Variants in DSG4 observed in about 807,000 individuals in gnomAD.
The protein encoded by DSG4 is desmoglein 4, also known as desmoglein-4.
Under a neutral mutation model 93.1 loss-of-function variants are expected in DSG4, and 87 were observed. The ratio of observed to expected loss-of-function variants is 0.93; its 90% CI spans 0.79 to 1.12. The LOEUF (loss-of-function observed/expected upper bound fraction) is 1.12. Ranked by LOEUF, DSG4 falls within the 50% of genes most tolerant of loss-of-function variation. The pLI, the probability that DSG4 is intolerant of heterozygous loss-of-function variation, is 0.00. For synonymous variants in DSG4, 432 were observed against 452.9 expected (o/e 0.95, Z 0.59); for missense variants, 1,373 against 1,285.7 (o/e 1.07, Z -1.04).
At position 31,400,974 on chromosome 18, in the gene DSG4, A is replaced by C. The variant is rs772144278; in HGVS notation, c.1371A>C (p.Lys457Asn). 6.2e-6 allele frequency: 10 copies of C among 1,611,686 alleles called. No homozygotes were observed. In the South Asian group the frequency reaches 9.9e-5, roughly 16 times the overall value. The change falls in exon 10 of 16, where the codon AAA (lysine) becomes AAC (asparagine). Residue 457 changes from lysine to asparagine, a missense_variant. By Grantham distance (94) the Lys-to-Asn change is moderately conservative. Coordinates refer to ENST00000308128, the MANE Select transcript of DSG4 (RefSeq NM_177986.5). ...CTAGAGAATTTGATAAGAAGTCAAA[A>C]TATATTATCAATGGGATATACACAG... ...QFSREFDKKS[K>N]YIINGIYTAE... is the part of the protein sequence containing the mutation.
intron 8 of DSG4, among the ~76,000 whole-genome samples, chr18:31,392,847 G>A (rs1033650052): frequency 4.6e-5 from 7 of 152,180 alleles, no homozygotes; most frequent in African/African-American, 1.2e-4. Flanking sequence ...AAAACATGAA[G>A]CAAGTTCAGG....
At chr18:31,405,981 G>A in intron 11 of DSG4, 96 bp from the exon 12 acceptor site, 2 of 1,414,636 alleles carry the variant, frequency 1.4e-6, no homozygotes, top group Admixed American at 1.8e-5. Context: ...AAAATCTAGT[G>A]TTTTAAGTCA....
Position 31,403,664 on chromosome 18 carries a change from CT to C in DSG4, c.1636+33del, listed in dbSNP as rs763011734. ...GTGAAACGTAAGCTTGTTTTTTGGA[CT>C]TTAAGTCCAAAAGCAAAACAATTAC... On this transcript the variant is annotated intron_variant, in intron 11 of 15. Transcript: ENST00000308128. 38 of 1,607,852 alleles carry C rather than the reference CT, an allele frequency of 2.4e-5. No individual in the cohort carries two copies. In the South Asian group the frequency reaches 3.9e-4, roughly 16 times the overall value.
chr18:31,401,859 A>T (rs2072371760), intron 10 of DSG4, among the ~76,000 whole-genome samples: 1 of 152,214 alleles, frequency 6.6e-6, no homozygotes, highest in Non-Finnish European at 1.5e-5. Context: ...ATAAAGATAA[A>T]GAAGCAGCAT....
intron 10 of DSG4, among the ~76,000 whole-genome samples, chr18:31,402,231 GTTGGAATAAGTTTGC>G (rs2072375910): frequency 6.6e-6 from 1 of 152,216 alleles, no homozygotes; most frequent in Non-Finnish European, 1.5e-5. Flanking sequence ...TATCTGAATG[GTTGGAATAAGTTTGC>G]TTCAGCACAC....
At chr18:31,405,987 A>C (rs901294572) in intron 11 of DSG4, 90 bp from the exon 12 acceptor site, 2 of 1,459,502 alleles carry the variant, frequency 1.4e-6, no homozygotes, top group Admixed American at 1.7e-5. Flanking sequence ...TAGTGTTTTA[A>C]GTCAATATTT....
rs2072321173 is a variant in DSG4 at position 31,397,813 on chromosome 18, G to T, written c.1006-1459G>T. Among the ~76,000 whole-genome samples, 4 of 152,030 alleles carry T rather than the reference G, an allele frequency of 2.6e-5. No homozygotes were observed. The South Asian group carries it at 8.3e-4, about 32-fold the overall frequency. On this transcript the variant is annotated intron_variant, in intron 8 of 15. Coordinates refer to ENST00000308128, the MANE Select transcript of DSG4 (RefSeq NM_177986.5). ...AGGCCAAGGCAGGTGGATCACCCAA[G>T]GTCAGGAGTTCAAGACCAGCCTGGC... is the stretch of plus-strand genomic sequence containing the variant.
At position 31,399,449 on chromosome 18, in the gene DSG4, C is replaced by T. The variant is rs369125321; in HGVS notation, c.1183C>T (p.Arg395Trp). 2.4e-5 allele frequency: 39 copies of T among 1,613,794 alleles called. No individual in the cohort carries two copies. The highest frequency in any genetic ancestry group is 1.6e-4 in the South Asian group (15 of 91,076). The change falls in exon 9 of 16, where the codon CGG becomes TGG. Residue 395 changes from arginine (R) to tryptophan (W), a missense_variant. Transcript: ENST00000308128. ...FHPSTMAFSVREGIKGSSLLN... is the reference protein window; with the variant it reads ...FHPSTMAFSVWEGIKGSSLLN... Reference sequence around the variant, plus strand: ...TCCAAGTACTATGGCTTTTAGTGTGCGGGAAGGAATAAAAGGAAGTTCCTT... The same window carrying T: ...TCCAAGTACTATGGCTTTTAGTGTGTGGGAAGGAATAAAAGGAAGTTCCTT...
In DSG4 at chr18:31,413,739, C is replaced by A; in HGVS notation, c.*144C>A. ...GGTCAATGCCATTATTTGATTATAC[C>A]ATTTTGAGGGTGAATATGGCTAGGC... On this transcript the variant is annotated 3_prime_UTR_variant, in exon 16 of 16. Coordinates refer to ENST00000308128, the MANE Select transcript of DSG4 (RefSeq NM_177986.5). 1 of 1,153,978 alleles carries A rather than the reference C, an allele frequency of 8.7e-7. No individual in the cohort carries two copies. The highest frequency in any genetic ancestry group is 1.2e-6 in the Non-Finnish European group (1 of 813,940). The allele number at this position is 1,153,978 out of a possible 1,614,324, so 71.5% of individuals were successfully genotyped here.
At position 31,388,410 on chromosome 18, in the gene DSG4, T is replaced by A; in HGVS notation, c.260T>A (p.Ile87Asn). The A allele has an allele frequency of 6.2e-7, 1 of 1,613,514 alleles. No individual in the cohort carries two copies. Among genetic ancestry groups the A allele is most frequent in the East Asian group, 2.2e-5 (1 of 44,852 alleles). ...TCGAACCAGAAGATAACATACCGGA[T>A]TTCTGGAGTAGGGATTGATCGACCA... ...CESNQKITYR[I>N]SGVGIDRPPY... is the part of the protein sequence containing the mutation. The change falls in exon 4 of 16, where the codon ATT (isoleucine) becomes AAT (asparagine). Residue 87 changes from isoleucine (I) to asparagine (N), a missense_variant. Ile to Asn is a moderately radical substitution (Grantham distance 149). Coordinates refer to ENST00000308128, the MANE Select transcript of DSG4 (RefSeq NM_177986.5).
intron 8 of DSG4, among the ~76,000 whole-genome samples, chr18:31,395,973 T>C (rs1250592825): frequency 1.3e-5 from 2 of 152,126 alleles, no homozygotes; most frequent in African/African-American, 4.8e-5. Flanking sequence ...GTTAAGGACA[T>C]GAAGGCAAAT....
At chr18:31,404,708 A>G (rs1002273132) in intron 11 of DSG4, among the ~76,000 whole-genome samples, 1 of 152,230 alleles carries the variant, frequency 6.6e-6, no homozygotes, top group African/African-American at 2.4e-5. Context: ...GCTCTTTTCA[A>G]CAAAACCACT....
At chr18:31,401,806 T>G (rs372001459) in intron 10 of DSG4, 2 of 152,120 alleles carry the variant, frequency 1.3e-5, no homozygotes, top group African/African-American at 4.8e-5. Flanking sequence ...TACTGTAGGT[T>G]TGCATTGAGT....
Position 31,406,142 on chromosome 18 carries a change from G to A in DSG4, c.1702G>A (p.Val568Met), listed in dbSNP as rs1008350818. ...AGGATTTTATGAAATCCCAATCCTG[G>A]TGAAGGACAGCTATAACAGAGCATG... ...SPGFYEIPIL[V>M]KDSYNRACEL... The change falls in exon 12 of 16, where the codon GTG becomes ATG. Residue 568 changes from valine (V) to methionine (M), a missense_variant. Physicochemically the swap from Val to Met is conservative, Grantham distance 21. Coordinates refer to ENST00000308128, the MANE Select transcript of DSG4 (RefSeq NM_177986.5). The A allele has an allele frequency of 1.9e-6, 3 of 1,613,968 alleles. No individual in the cohort carries two copies. The African/African-American group carries it at 4.0e-5, about 22-fold the overall frequency.
chr18:31,411,043 T>G (rs1245754578), intron 14 of DSG4, 188 bp from the exon 15 acceptor site: 15 of 1,491,934 alleles, frequency 1.0e-5, no homozygotes, highest in African/African-American at 5.6e-5. Context: ...TCTGTGTAAT[T>G]AATTTACTTT....
chr18:31,408,681 CCTT>C (rs1451870118), intron 12 of DSG4, among the ~76,000 whole-genome samples: 5 of 152,188 alleles, frequency 3.3e-5, no homozygotes, highest in African/African-American at 1.2e-4. Flanking sequence ...AAGCATTTAT[CCTT>C]CTATTCTTTA....
In DSG4 at chr18:31,413,769, T is replaced by C; in HGVS notation, c.*174T>C. Reference sequence around the variant, plus strand: ...TGAGGGTGAATATGGCTAGGCACTTTAGATAAGCCTTTTTAAAATTCTTTC... The same window carrying C: ...TGAGGGTGAATATGGCTAGGCACTTCAGATAAGCCTTTTTAAAATTCTTTC... On this transcript the variant is annotated 3_prime_UTR_variant, in exon 16 of 16. Transcript: ENST00000308128. 3.7e-6 allele frequency: 3 copies of C among 818,814 alleles called. No individual in the cohort carries two copies. The highest frequency in any genetic ancestry group is 5.6e-6 in the Non-Finnish European group (3 of 539,246). 50.7% of individuals were successfully genotyped at this position (818,814 alleles called of 1,614,324 possible).
At chr18:31,387,554 A>T (rs1156307411) in intron 3 of DSG4, among the ~76,000 whole-genome samples, 1 of 152,122 alleles carries the variant, frequency 6.6e-6, no homozygotes, top group Non-Finnish European at 1.5e-5. Context: ...CAACTCAGTA[A>T]TTGCTTTATG....
Position 31,399,208 on chromosome 18 carries a change from C to T in DSG4, c.1006-64C>T, listed in dbSNP as rs140183798. 29 of 1,603,198 alleles carry T rather than the reference C, an allele frequency of 1.8e-5. No homozygotes were observed. The Middle Eastern group carries it at 8.7e-4, about 48-fold the overall frequency. On this transcript the variant is annotated intron_variant, in intron 8 of 15. Coordinates refer to ENST00000308128, the MANE Select transcript of DSG4 (RefSeq NM_177986.5). Reference sequence around the variant, plus strand: ...TAGTGTGTGGTTTGCTTTACCATGGCTTCTTACTTTATCGAAAGAGAGTTC... The same window carrying T: ...TAGTGTGTGGTTTGCTTTACCATGGTTTCTTACTTTATCGAAAGAGAGTTC...
Sources: gnomAD v4.1 joint callset for allele counts (sites outside exome capture counted in the v4.1 genomes callset) on GRCh38, gnomAD v4.1.1 for gene constraint, MANE v1.5 for transcripts, NCBI Gene and HGNC (gene_info 2026-07-23, HGNC 2026-07-21) for gene names.